ZNF385D: variants seen among roughly 807,000 people sequenced by gnomAD.
ZNF385D encodes the protein zinc finger protein 385D.
A neutral mutation model predicts 35.8 loss-of-function variants in ZNF385D; 15 were observed. The observed-to-expected ratio is 0.42, with a 90% confidence interval of 0.28 to 0.64. ZNF385D has a LOEUF of 0.64. Ranked by LOEUF, ZNF385D falls within the 30% of genes least tolerant of loss-of-function variation. The probability of loss-of-function intolerance (pLI) is 0.23; values close to 1 mark genes in which losing one functional copy is unlikely to be tolerated. For synonymous variants in ZNF385D, 212 were observed against 186.8 expected (o/e 1.13, Z -1.10); for missense variants, 474 against 494.6 (o/e 0.96, Z 0.39).
intron 3 of ZNF385D, among the ~76,000 whole-genome samples, chr3:22,077,448 A>G (rs1207683009): frequency 6.6e-6 from 1 of 151,968 alleles, no homozygotes; most frequent in African/African-American, 2.4e-5. Flanking sequence ...ATCTATGCTG[A>G]TGTAATTTGG....
At chr3:21,797,503 T>C (rs899314489) in intron 3 of ZNF385D, among the ~76,000 whole-genome samples, 2 of 152,086 alleles carry the variant, frequency 1.3e-5, no homozygotes, top group Non-Finnish European at 2.9e-5. Flanking sequence ...CCCAAAGGAG[T>C]TGAAAAGTTA....
At chr3:22,063,738 C>T (rs1231311787) in intron 3 of ZNF385D, among the ~76,000 whole-genome samples, 1 of 152,150 alleles carries the variant, frequency 6.6e-6, no homozygotes, top group Non-Finnish European at 1.5e-5. Context: ...AGGCGTCTCA[C>T]CCAAAGTCAC....
intron 3 of ZNF385D, among the ~76,000 whole-genome samples, chr3:21,875,794 C>A (rs1427224626): frequency 6.7e-6 from 1 of 150,086 alleles, no homozygotes; most frequent in African/African-American, 2.5e-5. Flanking sequence ...CATCATCATT[C>A]CAGCTCTATT....
chr3:22,333,271 T>C lies in ZNF385D; in HGVS notation c.106+39179A>G, dbSNP rs542281746. On this transcript the variant is annotated intron_variant, in intron 2 of 5. Transcript: ENST00000494108. ...CAGGAGTGTGTTTGTATTTCTTTGG[T>C]TTTATTTTGTTTAGTCTTTATCCAG... 2.6e-5 allele frequency among the ~76,000 whole-genome samples: 4 copies of C among 152,270 alleles called. No homozygotes were observed. In the East Asian group the frequency reaches 7.7e-4, roughly 29 times the overall value.
intron 3 of ZNF385D, among the ~76,000 whole-genome samples, chr3:22,074,274 T>C (rs1031227672): frequency 2.6e-5 from 4 of 151,914 alleles, no homozygotes; most frequent in Admixed American, 1.3e-4. Context: ...AGTGAAGACA[T>C]TGATTATGTC....
chr3:22,356,416 G>C (rs531367145), intron 2 of ZNF385D, among the ~76,000 whole-genome samples: 1 of 151,960 alleles, frequency 6.6e-6, no homozygotes, highest in South Asian at 2.1e-4. Flanking sequence ...GTGGGTATTT[G>C]AAGTGGGGCA....
chr3:22,278,409 T>C (rs1000581106), intron 2 of ZNF385D, among the ~76,000 whole-genome samples: 1 of 152,090 alleles, frequency 6.6e-6, no homozygotes, highest in Non-Finnish European at 1.5e-5. Flanking sequence ...AGTTTGACCA[T>C]TTTTGTTTTT....
chr3:22,019,996 C>A (rs1323737713), intron 3 of ZNF385D, among the ~76,000 whole-genome samples: 1 of 151,792 alleles, frequency 6.6e-6, no homozygotes, highest in African/African-American at 2.4e-5. Flanking sequence ...AATAAAATGA[C>A]TGCATAAATG....
intron 2 of ZNF385D, among the ~76,000 whole-genome samples, chr3:22,269,045 C>T (rs1701040686): frequency 2.0e-5 from 3 of 151,796 alleles, no homozygotes; most frequent in African/African-American, 4.8e-5. Flanking sequence ...AAAGTAAAGG[C>T]CCCACATATT....
intron 3 of ZNF385D, among the ~76,000 whole-genome samples, chr3:21,914,912 C>CA (rs1333496535): frequency 1.4e-5 from 2 of 145,160 alleles, no homozygotes. Context: ...AAAAAAATGG[C>CA]AAAAAAATTC....
At chr3:21,573,044 T>C (rs553514086) in intron 2 of ZNF385D, among the ~76,000 whole-genome samples, 1 of 152,290 alleles carries the variant, frequency 6.6e-6, no homozygotes, top group East Asian at 1.9e-4. Flanking sequence ...CTTCTAGAGC[T>C]GTGATTTAAA....
intron 3 of ZNF385D, among the ~76,000 whole-genome samples, chr3:22,089,289 T>A (rs895617036): frequency 6.6e-6 from 1 of 152,202 alleles, no homozygotes; most frequent in African/African-American, 2.4e-5. Context: ...GTAAATATAA[T>A]CCTAATATAG....
At chr3:21,589,128 A>C (rs1319910479) in intron 2 of ZNF385D, among the ~76,000 whole-genome samples, 1 of 152,202 alleles carries the variant, frequency 6.6e-6, no homozygotes, top group Non-Finnish European at 1.5e-5. Flanking sequence ...GTGGTATTGC[A>C]AAAGTTTGGA....
chr3:21,763,922 A>G (rs569021547), intron 3 of ZNF385D, among the ~76,000 whole-genome samples: 1 of 152,292 alleles, frequency 6.6e-6, no homozygotes, highest in South Asian at 2.1e-4. Flanking sequence ...GAACTGTGAG[A>G]GGGGCCAGGG....
intron 3 of ZNF385D, among the ~76,000 whole-genome samples, chr3:21,945,096 A>ATG (rs375492920): frequency 1.3e-5 from 2 of 151,248 alleles, no homozygotes; most frequent in East Asian, 1.9e-4. Flanking sequence ...CTATATTTGA[A>ATG]TGTGTGTGTG....
chr3:21,899,966 T>G (rs982794122), intron 3 of ZNF385D, among the ~76,000 whole-genome samples: 1 of 152,144 alleles, frequency 6.6e-6, no homozygotes, highest in Admixed American at 6.6e-5. Context: ...AGCTTCAATG[T>G]CAGGTGACAC....
chr3:22,277,647 G>A (rs972862311), intron 2 of ZNF385D, among the ~76,000 whole-genome samples: 4 of 152,134 alleles, frequency 2.6e-5, no homozygotes, highest in Non-Finnish European at 5.9e-5. Context: ...TAATATTATG[G>A]AAAATAAAAG....
chr3:21,898,088 A>C (rs1699224755), intron 3 of ZNF385D, among the ~76,000 whole-genome samples: 1 of 152,152 alleles, frequency 6.6e-6, no homozygotes, highest in African/African-American at 2.4e-5. Flanking sequence ...TAGACTAGGA[A>C]GTATGTGAAT....
At chr3:21,544,898 A>C (rs992107193) in intron 3 of ZNF385D, among the ~76,000 whole-genome samples, 1 of 152,214 alleles carries the variant, frequency 6.6e-6, no homozygotes, top group Non-Finnish European at 1.5e-5. Context: ...CGAATACTTC[A>C]GAGGGCCCCT....
Sources: allele counts gnomAD v4.1 joint callset (sites outside exome capture counted in the v4.1 genomes callset), GRCh38; gene constraint gnomAD v4.1.1; transcripts MANE v1.5; gene names NCBI Gene and HGNC (gene_info 2026-07-23, HGNC 2026-07-21).